Variants in DIAPH2 observed in about 807,000 individuals in gnomAD.
The protein encoded by DIAPH2 is protein diaphanous homolog 2.
Under a neutral mutation model 92.7 loss-of-function variants are expected in DIAPH2, and 35 were observed. The ratio of observed to expected loss-of-function variants is 0.38; its 90% CI spans 0.29 to 0.50. The LOEUF is 0.50. Ranked by LOEUF, DIAPH2 falls within the 20% of genes least tolerant of loss-of-function variation. DIAPH2 has a pLI of 0.94. For missense variants in DIAPH2, 701 were observed against 819.5 expected, an observed-to-expected ratio of 0.86 and a Z score of 1.77; for synonymous variants, 301 against 280.4, an observed-to-expected ratio of 1.07 and a Z score of -0.73.
chrX:97,557,264 C>T (rs2071263764), intron 26 of DIAPH2, among the ~76,000 whole-genome samples: 1 of 111,404 alleles, frequency 9.0e-6, no homozygotes, highest in African/African-American at 3.3e-5. Flanking sequence ...TTAGGCCAGG[C>T]ACGGTGGCTC....
chrX:97,392,202 G>A (rs2069666236), intron 25 of DIAPH2, among the ~76,000 whole-genome samples: 1 of 111,462 alleles, frequency 9.0e-6, no homozygotes, highest in African/African-American at 3.3e-5. Flanking sequence ...GTGTAATATA[G>A]GATAATGACA....
intron 26 of DIAPH2, among the ~76,000 whole-genome samples, chrX:97,555,778 GA>G (rs779143094): frequency 8.6e-4 from 96 of 112,144 alleles, no homozygotes; most frequent in African/African-American, 3.0e-3. Context: ...GTTTAGCAAA[GA>G]CTACATTAAT....
At chrX:96,942,205 G>A (rs1218362905) in intron 13 of DIAPH2, 69 bp downstream of exon 13, 1 of 628,775 alleles carries the variant, frequency 1.6e-6, no homozygotes, top group Non-Finnish European at 2.6e-6. Context: ...CACTTTTTAA[G>A]TGAAGAAGTT....
At position 97,437,478 on chromosome X, in the gene DIAPH2, CATATG is replaced by C. The variant is rs1404293475; in HGVS notation, c.3241+7738_3241+7742del. 6.8e-3 allele frequency among the ~76,000 whole-genome samples: 757 copies of C among 110,884 alleles called. 6 individuals carry two copies. Among genetic ancestry groups the C allele is most frequent in the African/African-American group, 0.024 (718 of 30,475 alleles). ...AAAACTCAGAGCCTCATGGGAAAGACATATGATATAAATTTCATAATATAAGTGTT... is the reference window on the plus strand; with the variant it reads ...AAAACTCAGAGCCTCATGGGAAAGACATATAAATTTCATAATATAAGTGTT... On this transcript the variant is annotated intron_variant, in intron 26 of 26. Coordinates refer to ENST00000324765, the MANE Select transcript of DIAPH2 (RefSeq NM_006729.5).
At chrX:96,875,734 A>G (rs1283491220) in intron 4 of DIAPH2, among the ~76,000 whole-genome samples, 4 of 110,694 alleles carry the variant, frequency 3.6e-5, no homozygotes, top group African/African-American at 1.3e-4. Flanking sequence ...AGTATCTTTT[A>G]CCCTACATTT....
At chrX:96,841,601 G>C (rs1034428298) in intron 4 of DIAPH2, among the ~76,000 whole-genome samples, 2 of 111,286 alleles carry the variant, frequency 1.8e-5, no homozygotes, top group Admixed American at 1.9e-4. Flanking sequence ...AGATCCCCAG[G>C]GTTCTTAGAA....
At chrX:97,473,454 C>A (rs1177257453) in intron 26 of DIAPH2, among the ~76,000 whole-genome samples, 2 of 111,491 alleles carry the variant, frequency 1.8e-5, no homozygotes, top group Non-Finnish European at 3.8e-5. Flanking sequence ...CCTGCCTCAG[C>A]CTCCTGAGTA....
chrX:97,505,858 G>A (rs991445369), intron 26 of DIAPH2, among the ~76,000 whole-genome samples: 13 of 111,149 alleles, frequency 1.2e-4, no homozygotes, highest in African/African-American at 3.9e-4. Flanking sequence ...TGTTTTGTCA[G>A]TGTCCTCCCT....
chrX:97,117,798 G>A (rs909993857), intron 21 of DIAPH2, among the ~76,000 whole-genome samples: 2 of 111,982 alleles, frequency 1.8e-5, no homozygotes, highest in African/African-American at 6.5e-5. Context: ...AAAATGCTTT[G>A]TTAATTTGCA....
chrX:97,137,265 T>TTACACATA (rs2067176895), intron 21 of DIAPH2, among the ~76,000 whole-genome samples: 1 of 30,082 alleles, frequency 3.3e-5, no homozygotes, highest in African/African-American at 1.8e-4. Flanking sequence ...ATAAACGCAG[T>TTACACATA]TATACATATA....
intron 17 of DIAPH2, 74 bp downstream of exon 17, chrX:96,965,281 A>G (rs1051723757): frequency 8.2e-6 from 6 of 736,016 alleles, no homozygotes; most frequent in Non-Finnish European, 1.1e-5. Context: ...AAAAATTTCT[A>G]GTAATGGGTA....
At chrX:97,160,401 C>T (rs1013937961) in intron 22 of DIAPH2, among the ~76,000 whole-genome samples, 4 of 112,208 alleles carry the variant, frequency 3.6e-5, no homozygotes, top group Non-Finnish European at 7.5e-5. Flanking sequence ...AGGAAGTGGG[C>T]CAAAGGGCAA....
intron 23 of DIAPH2, among the ~76,000 whole-genome samples, chrX:97,323,266 G>T (rs2068916269): frequency 1.9e-5 from 2 of 103,857 alleles, no homozygotes; most frequent in South Asian, 9.1e-4. Context: ...TTACAGGCGT[G>T]AGCCACTGTG....
At chrX:97,112,052 T>C (rs1391043949) in intron 20 of DIAPH2, among the ~76,000 whole-genome samples, 3 of 112,158 alleles carry the variant, frequency 2.7e-5, no homozygotes, top group Admixed American at 1.9e-4. Flanking sequence ...GTAATTTCAA[T>C]TGGAGCTGAT....
At chrX:97,387,869 C>T (rs1292336487) in intron 25 of DIAPH2, among the ~76,000 whole-genome samples, 1 of 111,524 alleles carries the variant, frequency 9.0e-6, no homozygotes, top group East Asian at 2.8e-4. Flanking sequence ...AGCACATTTT[C>T]TCAGGAGAGT....
chrX:96,815,022 C>T (rs2064720056), intron 4 of DIAPH2, among the ~76,000 whole-genome samples: 1 of 112,431 alleles, frequency 8.9e-6, no homozygotes, highest in Non-Finnish European at 1.9e-5. Context: ...TGTCTGTTCT[C>T]AGAGTTCAAA....
chrX:96,952,176 ATT>A (rs1054748735), intron 15 of DIAPH2, among the ~76,000 whole-genome samples: 4 of 111,657 alleles, frequency 3.6e-5, no homozygotes, highest in African/African-American at 1.3e-4. Context: ...AATTTTACAT[ATT>A]TTAATCTTGT....
At chrX:96,758,293 G>T (rs2064245133) in intron 4 of DIAPH2, 35 bp downstream of exon 4, 5 of 1,115,842 alleles carry the variant, frequency 4.5e-6, no homozygotes, top group Non-Finnish European at 6.1e-6. Flanking sequence ...CCAACAGAAT[G>T]AGCAATGAGC....
intron 17 of DIAPH2, among the ~76,000 whole-genome samples, chrX:97,046,581 G>T (rs1439110345): frequency 1.8e-5 from 2 of 112,091 alleles, no homozygotes; most frequent in African/African-American, 6.5e-5. Context: ...AATAGAAAGT[G>T]TTCCCTTGAA....
Sources: gnomAD v4.1 joint callset for allele counts (sites outside exome capture counted in the v4.1 genomes callset) on GRCh38, gnomAD v4.1.1 for gene constraint, MANE v1.5 for transcripts, NCBI Gene and HGNC (gene_info 2026-07-23, HGNC 2026-07-21) for gene names.